MPRIP: variants seen among roughly 807,000 people sequenced by gnomAD.
MPRIP encodes the protein myosin phosphatase Rho interacting protein.
A neutral mutation model predicts 234.9 loss-of-function variants in MPRIP; 59 were observed. The ratio of observed to expected loss-of-function variants is 0.25; its 90% CI spans 0.20 to 0.31. MPRIP has a LOEUF of 0.31. Ranked by LOEUF, MPRIP falls within the 10% of genes least tolerant of loss-of-function variation. The probability of loss-of-function intolerance (pLI) is 1.00; values close to 1 mark genes in which losing one functional copy is unlikely to be tolerated. For missense variants in MPRIP, 2,436 were observed against 3,071.0 expected, an observed-to-expected ratio of 0.79 and a Z score of 4.89; for synonymous variants, 1,144 against 1,263.9, an observed-to-expected ratio of 0.91 and a Z score of 2.01.
chr17:17,183,871 G>C (rs112603171), intron 23 of MPRIP, among the ~76,000 whole-genome samples: 21 of 152,362 alleles, frequency 1.4e-4, no homozygotes, highest in African/African-American at 5.0e-4. Flanking sequence ...CCCTGAGCTA[G>C]AGCCCATCCC....
chr17:17,113,830 T>C (rs1012356480), intron 3 of MPRIP, among the ~76,000 whole-genome samples: 2 of 152,038 alleles, frequency 1.3e-5, no homozygotes, highest in African/African-American at 4.8e-5. Context: ...CTAGTGAATG[T>C]GAACTAGCAT....
At chr17:17,104,509 C>T (rs1363977617) in intron 3 of MPRIP, among the ~76,000 whole-genome samples, 1 of 152,140 alleles carries the variant, frequency 6.6e-6, no homozygotes, top group African/African-American at 2.4e-5. Context: ...ATCCTTCCTT[C>T]CTCCCGACCA....
Position 17,165,517 on chromosome 17 carries a change from A to C in MPRIP, c.3926A>C (p.Lys1309Thr). 2 of 1,304,428 alleles carry C rather than the reference A, an allele frequency of 1.5e-6. No homozygotes were observed. The highest frequency in any genetic ancestry group is 2.0e-6 in the Non-Finnish European group (2 of 988,994). The allele number at this position is 1,304,428 out of a possible 1,614,324, so 80.8% of individuals were successfully genotyped here. A position where few individuals can be genotyped will look rare whatever the true frequency, so the allele number is the denominator to read the frequency against. ...GAGGGCCATCAGCAGGGCACAGCCAAACTCGACCAAGGGGCACCTGGTGTT... is the reference window on the plus strand; with the variant it reads ...GAGGGCCATCAGCAGGGCACAGCCACACTCGACCAAGGGGCACCTGGTGTT... ...DREGHQQGTAKLDQGAPGVKR... is the reference protein window; with the variant it reads ...DREGHQQGTATLDQGAPGVKR... The change falls in exon 16 of 24, where the codon AAA becomes ACA. Residue 1309 changes from lysine to threonine, a missense_variant. Transcript: ENST00000651222.
intron 5 of MPRIP, among the ~76,000 whole-genome samples, chr17:17,135,486 G>A (rs986706638): frequency 5.9e-5 from 9 of 152,192 alleles, no homozygotes; most frequent in Non-Finnish European, 1.3e-4. Flanking sequence ...TGTTCTGTCT[G>A]CTATAATAAA....
chr17:17,143,416 C>G (rs966360885), intron 8 of MPRIP, 140 bp from the exon 9 acceptor site: 8 of 506,332 alleles, frequency 1.6e-5, no homozygotes, highest in Middle Eastern at 2.8e-4. Flanking sequence ...TGCAGACTTG[C>G]TATGGTGGCT....
intron 1 of MPRIP, among the ~76,000 whole-genome samples, chr17:17,051,952 C>CTCTGCAAAGAG (rs1567681795): frequency 1.3e-5 from 2 of 152,248 alleles, no homozygotes; most frequent in African/African-American, 4.8e-5. Context: ...TGCAGCGAGA[C>CTCTGCAAAGAG]TCTGAGTGGA....
intron 3 of MPRIP, among the ~76,000 whole-genome samples, chr17:17,090,292 C>T (rs528491132): frequency 8.5e-5 from 13 of 152,308 alleles, no homozygotes; most frequent in African/African-American, 2.9e-4. Flanking sequence ...AGGCTTGTCC[C>T]GCAGGGGCAG....
intron 1 of MPRIP, among the ~76,000 whole-genome samples, chr17:17,070,902 C>T (rs558133453): frequency 3.0e-4 from 46 of 152,276 alleles, no homozygotes; most frequent in Non-Finnish European, 5.0e-4. Context: ...ACAGTGCTTC[C>T]GTGGGGGAAG....
chr17:17,115,113 C>T (rs550654466), intron 3 of MPRIP, among the ~76,000 whole-genome samples: 1 of 152,364 alleles, frequency 6.6e-6, no homozygotes, highest in East Asian at 1.9e-4. Context: ...AGATGCTGCA[C>T]ATCTTGGAGG....
intron 3 of MPRIP, among the ~76,000 whole-genome samples, chr17:17,105,851 G>A (rs2090053185): frequency 6.6e-6 from 1 of 152,164 alleles, no homozygotes. Context: ...TTTAGGGTTA[G>A]GATTAGGTTA....
At chr17:17,124,703 A>G (rs1455502308) in intron 3 of MPRIP, among the ~76,000 whole-genome samples, 2 of 152,156 alleles carry the variant, frequency 1.3e-5, no homozygotes, top group Admixed American at 1.3e-4. Flanking sequence ...CACCTCAGAG[A>G]GACAAGATGC....
chr17:17,050,494 C>A (rs1303289880), intron 1 of MPRIP, among the ~76,000 whole-genome samples: 6 of 152,036 alleles, frequency 3.9e-5, no homozygotes, highest in Non-Finnish European at 8.8e-5. Flanking sequence ...GGTGGTGTGG[C>A]CGCTGCCCGC....
At position 17,166,724 on chromosome 17, in the gene MPRIP, C is replaced by G. The variant is rs753453000; in HGVS notation, c.5133C>G (p.Ile1711Met). The G allele has an allele frequency of 7.7e-7, 1 of 1,304,154 alleles. No individual in the cohort carries two copies. Among genetic ancestry groups the G allele is most frequent in the East Asian group, 5.5e-5 (1 of 18,028 alleles). The allele number at this position is 1,304,154 out of a possible 1,614,324, so 80.8% of individuals were successfully genotyped here. A position where few individuals can be genotyped will look rare whatever the true frequency, so the allele number is the denominator to read the frequency against. Reference sequence around the variant, plus strand: ...AGCACAAATGCCTGCTGAGGGAAATCCTGGGAGCCTACCAAACCCCAGACT... The same window carrying G: ...AGCACAAATGCCTGCTGAGGGAAATGCTGGGAGCCTACCAAACCCCAGACT... ...LRQHKCLLRE[I>M]LGAYQTPDFE... The change falls in exon 16 of 24, where the codon ATC (isoleucine) becomes ATG (methionine). Residue 1711 changes from isoleucine to methionine, a missense_variant. Around this residue, in one of 4 missense-constraint regions of MPRIP, gnomAD observed 1,998 missense variants for 2,520.3 expected, o/e 0.79. Coordinates refer to ENST00000651222, the MANE Select transcript of MPRIP (RefSeq NM_001364716.4). The surrounding 1 kb of genome is among the most constrained non-coding windows in gnomAD (Gnocchi z 4.4).
At chr17:17,057,306 CG>C (rs2088729623) in intron 1 of MPRIP, among the ~76,000 whole-genome samples, 1 of 152,242 alleles carries the variant, frequency 6.6e-6, no homozygotes, top group Non-Finnish European at 1.5e-5. Flanking sequence ...GGCAGTGTCA[CG>C]GGGCGGTGCA....
intron 3 of MPRIP, among the ~76,000 whole-genome samples, chr17:17,097,657 C>T (rs1396107241): frequency 6.6e-6 from 1 of 152,134 alleles, no homozygotes; most frequent in Non-Finnish European, 1.5e-5. Context: ...TAATATGATG[C>T]TTCAGAGAAC....
intron 3 of MPRIP, among the ~76,000 whole-genome samples, chr17:17,095,321 T>C (rs903095501): frequency 1.3e-5 from 2 of 152,084 alleles, no homozygotes; most frequent in Non-Finnish European, 2.9e-5. Flanking sequence ...GTATATGGGG[T>C]GCGTGTAGGA....
chr17:17,154,480 G>A, intron 13 of MPRIP, 65 bp downstream of exon 13: 1 of 1,400,522 alleles, frequency 7.1e-7, no homozygotes, highest in Non-Finnish European at 1.0e-6. Flanking sequence ...CGCCAGGGCA[G>A]TGTCAGACTC....
At chr17:17,056,504 C>T (rs964007621) in intron 1 of MPRIP, among the ~76,000 whole-genome samples, 33 of 152,116 alleles carry the variant, frequency 2.2e-4, no homozygotes, top group African/African-American at 8.0e-4. Context: ...AGAGGGAGGC[C>T]AGGAGCCCAG....
At chr17:17,056,682 C>T (rs1208115595) in intron 1 of MPRIP, among the ~76,000 whole-genome samples, 2 of 152,080 alleles carry the variant, frequency 1.3e-5, no homozygotes, top group African/African-American at 4.8e-5. Flanking sequence ...AATTCCATTG[C>T]ATTTAGCCTA....
Sources: allele counts gnomAD v4.1 joint callset (sites outside exome capture counted in the v4.1 genomes callset), GRCh38; gene constraint gnomAD v4.1.1; regional missense constraint gnomAD v4.1.1; non-coding constraint Gnocchi (gnomAD v3.1); transcripts MANE v1.5; gene names NCBI Gene and HGNC (gene_info 2026-07-23, HGNC 2026-07-21).